Variants in SAXO1 observed in about 807,000 individuals in gnomAD.
SAXO1 encodes the protein 4930500O09Rik.
SAXO1 carries 21 observed loss-of-function variants against 17.5 expected under a neutral mutation model. The observed-to-expected ratio is 1.20, with a 90% CI of 0.85 to 1.72. The LOEUF is 1.72. SAXO1 is among the 40% of genes most tolerant of loss of function. The pLI is 0.00. For missense variants in SAXO1, 843 were observed against 596.0 expected (o/e 1.41, Z -4.32); for synonymous variants, 274 against 216.5 (o/e 1.27, Z -2.33).
chr9:19,042,010 C>A (rs1836090187), intron 1 of SAXO1, among the ~76,000 whole-genome samples: 1 of 152,102 alleles, frequency 6.6e-6, no homozygotes, highest in Admixed American at 6.5e-5. Flanking sequence ...AGAGACAACC[C>A]ACCGAATGGG....
chr9:19,030,620 C>G (rs1380405675), intron 1 of SAXO1, among the ~76,000 whole-genome samples: 2 of 151,836 alleles, frequency 1.3e-5, no homozygotes, highest in African/African-American at 4.8e-5. Context: ...GCAGGAGAAT[C>G]GTTTGAACCC....
chr9:18,994,307 T>C (rs959220531), intron 1 of SAXO1, among the ~76,000 whole-genome samples: 2 of 152,208 alleles, frequency 1.3e-5, no homozygotes, highest in Non-Finnish European at 2.9e-5. Context: ...ATGACGACAA[T>C]GTGCCATGTA....
chr9:18,976,195 G>A (rs1239032566), intron 1 of SAXO1, among the ~76,000 whole-genome samples: 2 of 152,194 alleles, frequency 1.3e-5, no homozygotes, highest in African/African-American at 4.8e-5. Context: ...TTGGGTTTGA[G>A]GGGCAGCTGA....
At chr9:19,035,164 G>C (rs142036498), upstream of SAXO1, among the ~76,000 whole-genome samples, 2 of 152,156 alleles carry the variant, frequency 1.3e-5, no homozygotes, top group Non-Finnish European at 1.5e-5. Context: ...GATATGGTTT[G>C]GTTCTGTGTC....
chr9:18,933,243 T>C (rs534082768), intron 3 of SAXO1, among the ~76,000 whole-genome samples: 1 of 152,332 alleles, frequency 6.6e-6, no homozygotes, highest in East Asian at 1.9e-4. Flanking sequence ...TTTATGAGTG[T>C]TGAACTTTGT....
At chr9:18,972,627 T>C (rs571288343) in intron 1 of SAXO1, among the ~76,000 whole-genome samples, 2 of 152,254 alleles carry the variant, frequency 1.3e-5, no homozygotes, top group Admixed American at 6.5e-5. Flanking sequence ...AGGACCCTCA[T>C]AGAACCAGAT....
chr9:19,030,844 G>GGTT (rs1243508856), intron 1 of SAXO1, among the ~76,000 whole-genome samples: 1 of 152,198 alleles, frequency 6.6e-6, no homozygotes, highest in Non-Finnish European at 1.5e-5. Flanking sequence ...AATGTTTGAA[G>GGTT]GTTGTTGAAG....
At chr9:19,001,042 A>C (rs973522028) in intron 1 of SAXO1, among the ~76,000 whole-genome samples, 13 of 152,128 alleles carry the variant, frequency 8.5e-5, no homozygotes, top group Admixed American at 5.2e-4. Flanking sequence ...GATCTGTCTA[A>C]TTAACAAGGA....
At chr9:19,035,421 A>G (rs980415346), upstream of SAXO1, among the ~76,000 whole-genome samples, 6 of 152,198 alleles carry the variant, frequency 3.9e-5, no homozygotes, top group African/African-American at 9.7e-5. Flanking sequence ...TGTAAGTCCA[A>G]TTAAACTGCT....
At chr9:18,972,465 T>C (rs903027198) in intron 1 of SAXO1, among the ~76,000 whole-genome samples, 2 of 152,244 alleles carry the variant, frequency 1.3e-5, no homozygotes, top group East Asian at 1.9e-4. Flanking sequence ...ATATGAATAT[T>C]TGACATTTGC....
At chr9:19,027,261 G>C (rs902426140) in intron 1 of SAXO1, 9 of 1,018,752 alleles carry the variant, frequency 8.8e-6, no homozygotes, top group Non-Finnish European at 1.4e-5. Context: ...GATTGGATTG[G>C]TGGATGTTGA....
At chr9:18,978,823 C>T (rs534182498) in intron 1 of SAXO1, among the ~76,000 whole-genome samples, 1 of 152,234 alleles carries the variant, frequency 6.6e-6, no homozygotes, top group African/African-American at 2.4e-5. Context: ...CAAGATCCAA[C>T]CCCATGTTGA....
chr9:19,002,904 A>G (rs112826968), intron 1 of SAXO1, among the ~76,000 whole-genome samples: 8,072 of 152,308 alleles, frequency 0.053, 210 homozygotes, highest in African/African-American at 0.059. Flanking sequence ...GCAATCAGGC[A>G]AGAGAAAGAA....
chr9:19,044,132 CT>C (rs1230956618), intron 1 of SAXO1, among the ~76,000 whole-genome samples: 2 of 121,262 alleles, frequency 1.6e-5, no homozygotes, highest in East Asian at 4.1e-4. Flanking sequence ...GAGTGAGACT[CT>C]GTCTTAAAAA....
intron 1 of SAXO1, among the ~76,000 whole-genome samples, chr9:18,976,983 T>G (rs146413495): frequency 6.6e-6 from 1 of 152,178 alleles, no homozygotes; most frequent in Non-Finnish European, 1.5e-5. Flanking sequence ...ATCATCATCA[T>G]CTTATCCTTT....
chr9:18,974,594 C>T (rs1264674414), intron 1 of SAXO1, among the ~76,000 whole-genome samples: 2 of 151,968 alleles, frequency 1.3e-5, no homozygotes, highest in Non-Finnish European at 2.9e-5. Flanking sequence ...GACATGGGAG[C>T]CAACTGGAAG....
chr9:19,009,493 A>G (rs1267090743), intron 1 of SAXO1, among the ~76,000 whole-genome samples: 1 of 152,204 alleles, frequency 6.6e-6, no homozygotes, highest in Non-Finnish European at 1.5e-5. Context: ...CGTGGCAAAA[A>G]GGGGGAAGCT....
At chr9:18,967,075 G>A (rs1832749957) in intron 1 of SAXO1, among the ~76,000 whole-genome samples, 1 of 152,208 alleles carries the variant, frequency 6.6e-6, no homozygotes, top group Admixed American at 6.5e-5. Flanking sequence ...AACAGAGGAG[G>A]CTGCAGAACA....
intron 1 of SAXO1, among the ~76,000 whole-genome samples, chr9:19,039,134 C>CA (rs1836015494): frequency 1.4e-5 from 2 of 141,426 alleles, no homozygotes; most frequent in African/African-American, 5.3e-5. Flanking sequence ...GACCCTGCCT[C>CA]AAAAGAAAAA....
Sources: gnomAD v4.1 joint callset for allele counts (sites outside exome capture counted in the v4.1 genomes callset) on GRCh38, gnomAD v4.1.1 for gene constraint, MANE v1.5 for transcripts, NCBI Gene and HGNC (gene_info 2026-07-23, HGNC 2026-07-21) for gene names.